Variants in LRMDA observed in about 807,000 individuals in gnomAD.
The protein encoded by LRMDA is leucine-rich melanocyte differentiation-associated protein.
In LRMDA, 18 loss-of-function variants were observed where a neutral mutation model predicts 29.8. That is an observed-to-expected ratio of 0.60 (90% CI 0.42 to 0.90). The LOEUF is 0.90. Ranked by LOEUF, LRMDA falls within the 40% of genes least tolerant of loss-of-function variation. The pLI is 0.00. For missense variants in LRMDA, 273 were observed against 273.9 expected (o/e 1.00, Z 0.02); for synonymous variants, 125 against 109.4 (o/e 1.14, Z -0.89).
At chr10:75,621,419 C>T (rs1841184831) in intron 2 of LRMDA, among the ~76,000 whole-genome samples, 1 of 152,210 alleles carries the variant, frequency 6.6e-6, no homozygotes, top group South Asian at 2.1e-4. Context: ...CACAAAGTCT[C>T]ATGCAGTGCT....
At chr10:75,637,258 T>C (rs1841400427) in intron 2 of LRMDA, among the ~76,000 whole-genome samples, 1 of 152,222 alleles carries the variant, frequency 6.6e-6, no homozygotes, top group Non-Finnish European at 1.5e-5. Context: ...TCTGTTCTGA[T>C]TGGTCCAGGT....
intron 2 of LRMDA, among the ~76,000 whole-genome samples, chr10:76,017,217 G>A (rs192791288): frequency 9.3e-4 from 142 of 152,330 alleles, no homozygotes; most frequent in African/African-American, 3.2e-3. Context: ...CAGATCCCGC[G>A]CGAAGGCCAG....
chr10:75,861,271 G>A (rs1844924761), intron 2 of LRMDA, among the ~76,000 whole-genome samples: 1 of 152,218 alleles, frequency 6.6e-6, no homozygotes, highest in Non-Finnish European at 1.5e-5. Flanking sequence ...CATATTAGCT[G>A]GGTATCCTCA....
chr10:75,746,166 CATACCTA>C (rs1484912210), intron 2 of LRMDA, among the ~76,000 whole-genome samples: 1 of 152,202 alleles, frequency 6.6e-6, no homozygotes, highest in Non-Finnish European at 1.5e-5. Context: ...TATCTCCCAT[CATACCTA>C]ATGCCATGCC....
chr10:75,530,143 AAAAT>A (rs1845460287), intron 2 of LRMDA, among the ~76,000 whole-genome samples: 1 of 151,768 alleles, frequency 6.6e-6, no homozygotes, highest in Non-Finnish European at 1.5e-5. Context: ...CTTTGTAAAA[AAAAT>A]AAAGAAGAAG....
chr10:76,345,605 A>G (rs1301606227), intron 6 of LRMDA, among the ~76,000 whole-genome samples: 3 of 151,882 alleles, frequency 2.0e-5, no homozygotes, highest in Non-Finnish European at 4.4e-5. Context: ...AAACTCTGAA[A>G]GATGCATGAT....
chr10:76,462,260 A>T (rs1043976425), intron 6 of LRMDA, among the ~76,000 whole-genome samples: 1 of 152,136 alleles, frequency 6.6e-6, no homozygotes, highest in Admixed American at 6.5e-5. Flanking sequence ...TTGAGGAGAA[A>T]GATAGAAGAG....
chr10:76,401,108 A>T (rs2132496299), intron 6 of LRMDA, among the ~76,000 whole-genome samples: 1 of 152,272 alleles, frequency 6.6e-6, no homozygotes, highest in East Asian at 1.9e-4. Context: ...TGCAAATTAT[A>T]TGAAGGAGGC....
intron 5 of LRMDA, among the ~76,000 whole-genome samples, chr10:76,185,009 A>G (rs547187158): frequency 6.6e-6 from 1 of 152,326 alleles, no homozygotes; most frequent in East Asian, 1.9e-4. Flanking sequence ...GAGAGTAACC[A>G]TTGTATAAGT....
chr10:76,529,187 T>C (rs1475008316), intron 6 of LRMDA, among the ~76,000 whole-genome samples: 1 of 152,168 alleles, frequency 6.6e-6, no homozygotes, highest in Non-Finnish European at 1.5e-5. Flanking sequence ...CCTGTGCTTT[T>C]GTTTCCTCCT....
intron 6 of LRMDA, among the ~76,000 whole-genome samples, chr10:76,535,355 G>A (rs113928247): frequency 2.0e-5 from 3 of 152,088 alleles, no homozygotes; most frequent in Admixed American, 6.6e-5. Flanking sequence ...GGTGGGGAGG[G>A]ACAAATAATT....
chr10:76,291,629 A>G (rs1172859830), intron 5 of LRMDA, among the ~76,000 whole-genome samples: 1 of 152,186 alleles, frequency 6.6e-6, no homozygotes, highest in African/African-American at 2.4e-5. Flanking sequence ...AATGCTCTTA[A>G]GTGGAATAGC....
chr10:75,837,827 A>C lies in LRMDA; in HGVS notation c.132-198181A>C, dbSNP rs187628441. On this transcript the variant is annotated intron_variant, in intron 2 of 6. Coordinates refer to ENST00000611255, the MANE Select transcript of LRMDA (RefSeq NM_001305581.2). The stretch of plus-strand genomic sequence containing the variant: ...CTCGGAATCTGTGGAGTAGGACCTT[A>C]GTAAATACTTGTGTGATGGTGATGG... Among the ~76,000 whole-genome samples, 37 of 152,182 alleles carry C rather than the reference A, an allele frequency of 2.4e-4. 1 individual carries two copies. The highest frequency in any genetic ancestry group is 7.2e-4 in the Admixed American group (11 of 15,294).
At chr10:76,021,893 T>G (rs1847980664) in intron 2 of LRMDA, among the ~76,000 whole-genome samples, 1 of 152,186 alleles carries the variant, frequency 6.6e-6, no homozygotes, top group Non-Finnish European at 1.5e-5. Context: ...GGGAAGATAT[T>G]TTTTCAATGT....
At chr10:76,551,579 A>G (rs1304774077) in intron 6 of LRMDA, among the ~76,000 whole-genome samples, 1 of 152,200 alleles carries the variant, frequency 6.6e-6, no homozygotes, top group African/African-American at 2.4e-5. Flanking sequence ...AGGGCTTACA[A>G]CTTCAGATAG....
intron 2 of LRMDA, among the ~76,000 whole-genome samples, chr10:75,508,136 G>C (rs1845188759): frequency 6.6e-6 from 1 of 152,132 alleles, no homozygotes; most frequent in South Asian, 2.1e-4. Context: ...ACCTGTGTGG[G>C]GGTAATGTTA....
chr10:75,750,804 C>T (rs1350157909), intron 2 of LRMDA, among the ~76,000 whole-genome samples: 3 of 149,634 alleles, frequency 2.0e-5, no homozygotes, highest in East Asian at 2.0e-4. Context: ...GGGTGGCAGC[C>T]GGGAAGAGGC....
chr10:76,446,428 T>G (rs1312294510), intron 6 of LRMDA, among the ~76,000 whole-genome samples: 2 of 152,214 alleles, frequency 1.3e-5, no homozygotes, highest in Non-Finnish European at 2.9e-5. Context: ...GTGTCTGTAC[T>G]GAACATGAAA....
intron 5 of LRMDA, among the ~76,000 whole-genome samples, chr10:76,284,572 T>C (rs1840247311): frequency 6.6e-6 from 1 of 152,194 alleles, no homozygotes; most frequent in Non-Finnish European, 1.5e-5. Flanking sequence ...TGATTCTGTC[T>C]TGCAAATTCC....
Sources: gnomAD v4.1 joint callset for allele counts (sites outside exome capture counted in the v4.1 genomes callset) on GRCh38, gnomAD v4.1.1 for gene constraint, MANE v1.5 for transcripts, NCBI Gene and HGNC (gene_info 2026-07-23, HGNC 2026-07-21) for gene names.